AGO4: variants seen among roughly 807,000 people sequenced by gnomAD.
AGO4 encodes the protein argonaute RISC component 4.
Under a neutral mutation model 104.7 loss-of-function variants are expected in AGO4, and 33 were observed. The observed-to-expected ratio is 0.32, with a 90% CI of 0.24 to 0.42. The LOEUF is 0.42. Ranked by LOEUF, AGO4 falls within the 10% of genes least tolerant of loss-of-function variation. AGO4 has a pLI of 1.00. For missense variants in AGO4, 711 were observed against 1,083.4 expected, an observed-to-expected ratio of 0.66 and a Z score of 4.83; for synonymous variants, 331 against 364.7, an observed-to-expected ratio of 0.91 and a Z score of 1.05.
intron 11 of AGO4, among the ~76,000 whole-genome samples, chr1:35,833,222 T>C (rs1644228171): frequency 6.6e-6 from 1 of 151,984 alleles, no homozygotes; most frequent in African/African-American, 2.4e-5. Flanking sequence ...GAGGTTGCAG[T>C]GAGCCAAGAT....
intron 1 of AGO4, among the ~76,000 whole-genome samples, chr1:35,812,395 T>C (rs559544769): frequency 6.6e-6 from 1 of 152,290 alleles, no homozygotes; most frequent in East Asian, 1.9e-4. Context: ...CTCTGCCTCT[T>C]TGACATTCAA....
intron 8 of AGO4, 40 bp downstream of exon 8, chr1:35,831,614 A>C: frequency 6.3e-7 from 1 of 1,598,804 alleles, no homozygotes. Flanking sequence ...TGATCTCTTG[A>C]ATGAGTATAT....
At position 35,841,854 on chromosome 1, in the gene AGO4, A is replaced by G; in HGVS notation, c.2175+104A>G. On this transcript the variant is annotated intron_variant, in intron 15 of 17. Transcript: ENST00000373210. This position sits in a 1 kb window ranked among gnomAD's most constrained non-coding sequence, Gnocchi z 4.7. ...TATATATATACACCATTTTTATACA[A>G]TTTTTTTCTTAAAAGCAGAAATGCC... 2 of 853,822 alleles carry G rather than the reference A, an allele frequency of 2.3e-6. No homozygotes were observed. The highest frequency in any genetic ancestry group is 3.0e-6 in the Non-Finnish European group (2 of 658,124). The allele number at this position is 853,822 out of a possible 1,614,324, so 52.9% of individuals were successfully genotyped here.
chr1:35,826,193 C>A, intron 6 of AGO4, 133 bp downstream of exon 6: 1 of 1,090,494 alleles, frequency 9.2e-7, no homozygotes, highest in Non-Finnish European at 1.3e-6. Context: ...TGGTCAAGTT[C>A]CTTAACCACT....
chr1:35,816,894 G>A lies in AGO4; in HGVS notation c.32G>A (p.Ser11Asn), dbSNP rs777257857. 4.3e-6 allele frequency: 7 copies of A among 1,612,200 alleles called. No homozygotes were observed. Among genetic ancestry groups the A allele is most frequent in the Middle Eastern group, 1.7e-4 (1 of 6,048 alleles). MEALGPGPPA[S>N]LFQPPRRPGL... ...TCAATCTCTTTAGGACCTCCGGCTA[G>A]CCTGTTTCAGCCACCTCGTCGTCCT... Residue 11 changes from serine to asparagine, a missense_variant, in exon 2 of 18, where the codon AGC becomes AAC. Ser to Asn is a conservative substitution (Grantham distance 46). Coordinates refer to ENST00000373210, the MANE Select transcript of AGO4 (RefSeq NM_017629.4).
rs572193634 is a variant in AGO4, at chr1:35,819,379, T to C, written c.185+2332T>C. On this transcript the variant is annotated intron_variant, in intron 2 of 17. Coordinates refer to ENST00000373210, the MANE Select transcript of AGO4 (RefSeq NM_017629.4). ...AGGAGGCTGAGGTGGGAGGATTGCT[T>C]GAAGCCAGGAGTTTGCAGCAAGCTT... 7.9e-5 allele frequency among the ~76,000 whole-genome samples: 12 copies of C among 151,856 alleles called. No individual in the cohort carries two copies. The East Asian group carries it at 1.2e-3, about 15-fold the overall frequency.
rs751658615 is a variant in AGO4, at chr1:35,831,889, A to G, written c.1074A>G (p.Thr358=). ...DNQTSTMIKA[T]ARSAPDRQEE... is the part of the protein sequence containing the mutation. ...AGACTTCCACAATGATCAAAGCTAC[A>G]GCAAGATCTGCTCCTGACAGACAGG... is the stretch of plus-strand genomic sequence containing the variant. The change falls in exon 9 of 18, where the codon ACA becomes ACG. Residue 358 remains threonine (T), a synonymous_variant. Transcript: ENST00000373210. 54 of 1,614,078 alleles carry G rather than the reference A, an allele frequency of 3.3e-5. No homozygotes were observed. In the Admixed American group the frequency reaches 8.5e-4, roughly 25 times the overall value.
At chr1:35,829,561 C>T (rs867008070) in intron 7 of AGO4, among the ~76,000 whole-genome samples, 50 of 152,174 alleles carry the variant, frequency 3.3e-4, no homozygotes, top group Middle Eastern at 3.4e-3. Context: ...ACGGGCTGGG[C>T]GTGGTGGCTC....
At chr1:35,849,850 C>T (rs529223834) in intron 15 of AGO4, among the ~76,000 whole-genome samples, 3 of 151,798 alleles carry the variant, frequency 2.0e-5, no homozygotes, top group Non-Finnish European at 4.4e-5. Flanking sequence ...TGTTTTTTCC[C>T]TTTGTGAACA....
chr1:35,814,970 C>T (rs760606856), intron 1 of AGO4, among the ~76,000 whole-genome samples: 2 of 152,068 alleles, frequency 1.3e-5, no homozygotes, highest in Non-Finnish European at 2.9e-5. Flanking sequence ...CTCTGCCTCC[C>T]GGGTTCAAGC....
intron 6 of AGO4, among the ~76,000 whole-genome samples, 176 bp downstream of exon 6, chr1:35,826,236 G>A (rs1644017775): frequency 6.6e-6 from 1 of 152,108 alleles, no homozygotes; most frequent in Non-Finnish European, 1.5e-5. Context: ...CTAAGGTAAA[G>A]ATAATAATAT....
Position 35,839,521 on chromosome 1 carries a change from A to T in AGO4, c.1725-1644A>T, listed in dbSNP as rs1644389554. 2.0e-5 allele frequency among the ~76,000 whole-genome samples: 3 copies of T among 152,302 alleles called. No homozygotes were observed. The South Asian group carries it at 6.2e-4, about 32-fold the overall frequency. On this transcript the variant is annotated intron_variant, in intron 13 of 17. Transcript: ENST00000373210. ...TCTTATTTTTTATCTGGAAAAATTG[A>T]GATAATAATTGTACCACCCTCATAA...
chr1:35,849,066 C>T (rs543969473), intron 15 of AGO4, among the ~76,000 whole-genome samples: 33 of 152,208 alleles, frequency 2.2e-4, no homozygotes, highest in Non-Finnish European at 5.9e-5. Context: ...TCATACTGAA[C>T]TCTGCTGTAC....
intron 9 of AGO4, 41 bp downstream of exon 9, chr1:35,831,972 T>C (rs1486866155): frequency 8.1e-6 from 13 of 1,606,948 alleles, no homozygotes; most frequent in Non-Finnish European, 1.1e-5. Flanking sequence ...AGCTTTGAGA[T>C]GACAAAAAAC....
chr1:35,808,383 C>G lies in AGO4; in HGVS notation c.-34C>G, dbSNP rs1643367653. 4 of 1,076,136 alleles carry G rather than the reference C, an allele frequency of 3.7e-6. No individual in the cohort carries two copies. In the South Asian group the frequency reaches 1.3e-4, roughly 35 times the overall value. The allele number at this position is 1,076,136 out of a possible 1,614,324, so 66.7% of individuals were successfully genotyped here. ...CGGCGGGGCCCGGAGCGGGAGGCGC[C>G]GGGGACCGGGGCGAGGCGGCCCCCG... On this transcript the variant is annotated 5_prime_UTR_variant, in exon 1 of 18. Coordinates refer to ENST00000373210, the MANE Select transcript of AGO4 (RefSeq NM_017629.4). This position sits in a 1 kb window ranked among gnomAD's most constrained non-coding sequence, Gnocchi z 5.2.
intron 17 of AGO4, among the ~76,000 whole-genome samples, chr1:35,853,134 C>G (rs939345489): frequency 2.6e-5 from 4 of 151,642 alleles, no homozygotes; most frequent in African/African-American, 4.8e-5. Flanking sequence ...GCCTGTAGTC[C>G]CAGCTACTCG....
At chr1:35,834,896 G>T (rs541379425) in intron 12 of AGO4, among the ~76,000 whole-genome samples, 1 of 151,724 alleles carries the variant, frequency 6.6e-6, no homozygotes, top group Non-Finnish European at 1.5e-5. Context: ...GGGTTTTGCC[G>T]TGTTGCCCAG....
At chr1:35,819,946 G>A (rs1643855504) in intron 2 of AGO4, among the ~76,000 whole-genome samples, 1 of 152,072 alleles carries the variant, frequency 6.6e-6, no homozygotes, top group African/African-American at 2.4e-5. Flanking sequence ...GTGAGTGTGT[G>A]TGGAGAAAAT....
chr1:35,838,847 T>C (rs1330569329), intron 13 of AGO4, among the ~76,000 whole-genome samples: 1 of 152,214 alleles, frequency 6.6e-6, no homozygotes, highest in Non-Finnish European at 1.5e-5. Context: ...AATTTGGGGC[T>C]GTGGTATTAG....
Sources: allele counts gnomAD v4.1 joint callset (sites outside exome capture counted in the v4.1 genomes callset), GRCh38; gene constraint gnomAD v4.1.1; non-coding constraint Gnocchi (gnomAD v3.1); transcripts MANE v1.5; gene names NCBI Gene and HGNC (gene_info 2026-07-23, HGNC 2026-07-21).